Variants in SHMT1 observed in about 807,000 individuals in gnomAD.
The protein encoded by SHMT1 is serine hydroxymethyltransferase, cytosolic.
In SHMT1, 45 loss-of-function variants were observed where a neutral mutation model predicts 49.0. That is an observed-to-expected ratio of 0.92 (90% confidence interval 0.72 to 1.18). The LOEUF (loss-of-function observed/expected upper bound fraction) is 1.18. Ranked by LOEUF, SHMT1 falls within the 50% of genes most tolerant of loss-of-function variation. SHMT1 has a pLI of 0.00. For synonymous variants in SHMT1, 232 were observed against 246.6 expected (o/e 0.94, Z 0.55); for missense variants, 541 against 612.4 (o/e 0.88, Z 1.23).
chr17:18,335,698 G>A (rs2273028), intron 7 of SHMT1, 23 bp from the exon 8 acceptor site: 481,046 of 1,522,650 alleles, frequency 0.32, 80,193 homozygotes, highest in African/African-American at 0.52. Context: ...AAACATCACA[G>A]TGGGATCATA....
In SHMT1 at chr17:18,329,332, A is replaced by G; in HGVS notation, c.1228T>C (p.Ser410Pro). 6.2e-7 allele frequency: 1 copy of G among 1,613,150 alleles called. No individual in the cohort carries two copies. The highest frequency in any genetic ancestry group is 8.5e-7 in the Non-Finnish European group (1 of 1,179,996). The change falls in exon 11 of 12, where the codon TCC becomes CCC. Residue 410 changes from serine to proline, a missense_variant. By Grantham distance (74) the Ser-to-Pro change is moderately conservative. Coordinates refer to ENST00000316694, the MANE Select transcript of SHMT1 (RefSeq NM_004169.5). ...AAGTCTTTTTCCAAAAGTCCACGGG[A>G]CGTCAGTGCTGGGGTCCCCAGCCGC... The part of the protein sequence containing the change: ...GLRLGTPALT[S>P]RGLLEKDFQK...
chr17:18,348,678 A>C (rs772529425), intron 3 of SHMT1: 2 of 628,800 alleles, frequency 3.2e-6, no homozygotes, highest in Non-Finnish European at 6.0e-6. Context: ...CTCATCTATA[A>C]AAAGAGGGGG....
intron 7 of SHMT1, among the ~76,000 whole-genome samples, chr17:18,337,252 C>T (rs1387736272): frequency 3.3e-5 from 5 of 152,150 alleles, no homozygotes; most frequent in Non-Finnish European, 2.9e-5. Context: ...AGTCATACAG[C>T]GGGTGTGCGG....
In SHMT1 at chr17:18,329,399, A is replaced by T. The variant is rs1244895172; in HGVS notation, c.1172-11T>A. On this transcript the variant is annotated splice_polypyrimidine_tract_variant and intron_variant, in intron 10 of 11. Transcript: ENST00000316694. ...GAGCGCTTCTGTCACCTACAAGATA[A>T]ACGGGGCTCTGTCCCTAAGTCACAT... 24 of 1,603,236 alleles carry T rather than the reference A, an allele frequency of 1.5e-5. No individual in the cohort carries two copies. Among genetic ancestry groups the T allele is most frequent in the Non-Finnish European group, 1.9e-5 (22 of 1,172,916 alleles).
Position 18,333,192 on chromosome 17 carries a change from G to A in SHMT1, c.1028C>T (p.Thr343Met), listed in dbSNP as rs371534658. 115 of 1,614,040 alleles carry A rather than the reference G, an allele frequency of 7.1e-5. 1 individual carries two copies. The highest frequency in any genetic ancestry group is 1.8e-4 in the South Asian group (16 of 91,088). ...TGTGACTATTTTGTAGCCCAGCTCC[G>A]TCAGGGCCTCAGACAGAGCCCTGCA... The part of the protein sequence containing the change: ...ANCRALSEAL[T>M]ELGYKIVTGG... The change falls in exon 9 of 12, where the codon ACG becomes ATG. Residue 343 changes from threonine to methionine, a missense_variant. By Grantham distance (81) the Thr-to-Met change is moderately conservative. Transcript: ENST00000316694.
intron 7 of SHMT1, among the ~76,000 whole-genome samples, chr17:18,337,453 A>G (rs1027460179): frequency 6.6e-6 from 1 of 152,158 alleles, no homozygotes; most frequent in African/African-American, 2.4e-5. Context: ...GGGTGCTGAG[A>G]AGCTGAGGGG....
At position 18,340,028 on chromosome 17, in the gene SHMT1, C is replaced by A; in HGVS notation, c.814+15G>T. Reference sequence around the variant, plus strand: ...AACCATGGTACCCATCTGTACCCAACATTCGGGAGCTCACCTTTCCTGTAG... The same window carrying A: ...AACCATGGTACCCATCTGTACCCAAAATTCGGGAGCTCACCTTTCCTGTAG... On this transcript the variant is annotated intron_variant, in intron 7 of 11. Coordinates refer to ENST00000316694, the MANE Select transcript of SHMT1 (RefSeq NM_004169.5). This position sits in a 1 kb window ranked among gnomAD's most constrained non-coding sequence, Gnocchi z 4.5. 3.1e-6 allele frequency: 5 copies of A among 1,611,772 alleles called. No individual in the cohort carries two copies. Among genetic ancestry groups the A allele is most frequent in the Non-Finnish European group, 4.2e-6 (5 of 1,179,710 alleles).
chr17:18,345,821 C>A (rs541047324), intron 5 of SHMT1, among the ~76,000 whole-genome samples: 2 of 151,908 alleles, frequency 1.3e-5, no homozygotes, highest in East Asian at 1.9e-4. Context: ...GCTGGAACTA[C>A]GGGTGTGCAC....
rs1383231744 is a variant in SHMT1 at position 18,340,631 on chromosome 17, C to T, written c.601+101G>A. On this transcript the variant is annotated intron_variant, in intron 6 of 11. Coordinates refer to ENST00000316694, the MANE Select transcript of SHMT1 (RefSeq NM_004169.5). This position sits in a 1 kb window ranked among gnomAD's most constrained non-coding sequence, Gnocchi z 4.5. ...GAAACTCAGTTATCCAGGGCAGAAA[C>T]TAGCAGTGGGCTCAACAGGGTGCGA... is the stretch of plus-strand genomic sequence containing the variant. 5 of 1,020,122 alleles carry T rather than the reference C, an allele frequency of 4.9e-6. No individual in the cohort carries two copies. In the East Asian group the frequency reaches 1.3e-4, roughly 26 times the overall value. The allele number at this position is 1,020,122 out of a possible 1,614,324, so 63.2% of individuals were successfully genotyped here.
chr17:18,360,256 AC>A (rs1308847922), intron 1 of SHMT1, among the ~76,000 whole-genome samples: 1 of 151,868 alleles, frequency 6.6e-6, no homozygotes, highest in East Asian at 1.9e-4. Flanking sequence ...CACAAAAAAA[AC>A]CAAAAAGAAA....
chr17:18,347,368 G>C, intron 5 of SHMT1, 128 bp downstream of exon 5: 1 of 1,124,048 alleles, frequency 8.9e-7, no homozygotes, highest in Non-Finnish European at 1.4e-6. Context: ...CCGCTGCAAG[G>C]AAATTAAAAA....
At chr17:18,358,525 A>C (rs139479302) in intron 1 of SHMT1, among the ~76,000 whole-genome samples, 1 of 152,218 alleles carries the variant, frequency 6.6e-6, no homozygotes, top group African/African-American at 2.4e-5. Flanking sequence ...GCTGCACAGA[A>C]AGTTAGCCAC....
intron 8 of SHMT1, 131 bp downstream of exon 8, chr17:18,335,428 G>T: frequency 1.4e-6 from 1 of 724,856 alleles, no homozygotes; most frequent in Non-Finnish European, 2.5e-6. Flanking sequence ...CCTACTCTGT[G>T]TTAGCATCTC....
intron 11 of SHMT1, 29 bp downstream of exon 11, chr17:18,329,249 T>C: frequency 1.4e-6 from 2 of 1,462,902 alleles, no homozygotes; most frequent in Non-Finnish European, 1.9e-6. Flanking sequence ...CACAATAAGA[T>C]GTGGCAACTT....
chr17:18,332,348 ACTC>A (rs1346363503), intron 9 of SHMT1: 4 of 152,398 alleles, frequency 2.6e-5, no homozygotes, highest in African/African-American at 9.6e-5. Context: ...TGGGAGCCCC[ACTC>A]CTTAGACCAG....
At position 18,340,431 on chromosome 17, in the gene SHMT1, C is replaced by T; in HGVS notation, c.602-176G>A. 1 of 734,788 alleles carries T rather than the reference C, an allele frequency of 1.4e-6. No individual in the cohort carries two copies. Among genetic ancestry groups the T allele is most frequent in the Non-Finnish European group, 2.3e-6 (1 of 426,472 alleles). 45.5% of individuals were successfully genotyped at this position (734,788 alleles called of 1,614,324 possible). A position where few individuals can be genotyped will look rare whatever the true frequency, so the allele number is the denominator to read the frequency against. ...CACCTCTGTGCTAAAGGCAACCACT[C>T]TAACTCTTCAACGTCTTGGTGGTTG... On this transcript the variant is annotated intron_variant, in intron 6 of 11. Coordinates refer to ENST00000316694, the MANE Select transcript of SHMT1 (RefSeq NM_004169.5). This position sits in a 1 kb window ranked among gnomAD's most constrained non-coding sequence, Gnocchi z 4.5.
At chr17:18,357,437 C>T (rs397897380) in intron 1 of SHMT1, among the ~76,000 whole-genome samples, 1 of 151,720 alleles carries the variant, frequency 6.6e-6, no homozygotes, top group Non-Finnish European at 1.5e-5. Context: ...TTTTGGGACA[C>T]ACAAGTTAAT....
At chr17:18,349,737 C>T (rs925890923) in intron 3 of SHMT1, among the ~76,000 whole-genome samples, 6 of 151,790 alleles carry the variant, frequency 4.0e-5, no homozygotes, top group South Asian at 2.1e-4. Flanking sequence ...ATAAATAGGC[C>T]GGGCCCGGCG....
chr17:18,339,990 C>G (rs1045027941), intron 7 of SHMT1, 53 bp downstream of exon 7: 1 of 1,565,900 alleles, frequency 6.4e-7, no homozygotes, highest in South Asian at 1.1e-5. Context: ...TGAACCCCCA[C>G]AGGAGAAATG....
Sources: gnomAD v4.1 joint callset for allele counts (sites outside exome capture counted in the v4.1 genomes callset) on GRCh38, gnomAD v4.1.1 for gene constraint, Gnocchi (gnomAD v3.1) non-coding constraint, MANE v1.5 for transcripts, NCBI Gene and HGNC (gene_info 2026-07-23, HGNC 2026-07-21) for gene names.